Variants in FBN2 observed in about 807,000 individuals in gnomAD.
FBN2 encodes the protein fibrillin-2.
A neutral mutation model predicts 355.6 loss-of-function variants in FBN2; 105 were observed. The observed-to-expected ratio is 0.30, with a 90% CI of 0.25 to 0.35. The LOEUF (loss-of-function observed/expected upper bound fraction) is 0.35. FBN2 is among the 10% of genes least tolerant of loss of function. The pLI, the probability that FBN2 is intolerant of heterozygous loss-of-function variation, is 1.00. For synonymous variants in FBN2, 1,350 were observed against 1,301.2 expected (o/e 1.04, Z -0.81); for missense variants, 3,280 against 3,758.7 (o/e 0.87, Z 3.33).
At chr5:128,520,819 CT>C (rs1223007726) in intron 4 of FBN2, among the ~76,000 whole-genome samples, 2 of 152,258 alleles carry the variant, frequency 1.3e-5, no homozygotes, top group East Asian at 3.9e-4. Context: ...GAACCATACC[CT>C]TCTGCTTCTT....
At chr5:128,389,694 C>T (rs1354424833) in intron 11 of FBN2, among the ~76,000 whole-genome samples, 1 of 152,194 alleles carries the variant, frequency 6.6e-6, no homozygotes, top group Non-Finnish European at 1.5e-5. Context: ...TCTCCCATGT[C>T]TCAAATGTCC....
At chr5:128,333,664 G>A (rs977474434) in intron 31 of FBN2, among the ~76,000 whole-genome samples, 12 of 151,588 alleles carry the variant, frequency 7.9e-5, no homozygotes, top group African/African-American at 2.4e-4. Context: ...AGATGCTTTC[G>A]CCAGTGTGTG....
At chr5:128,445,474 C>T (rs1049965781) in intron 7 of FBN2, among the ~76,000 whole-genome samples, 6 of 152,118 alleles carry the variant, frequency 3.9e-5, no homozygotes, top group Non-Finnish European at 8.8e-5. Context: ...TGCTGTTTAT[C>T]TTCTATAATT....
intron 16 of FBN2, among the ~76,000 whole-genome samples, chr5:128,367,250 G>A (rs917328398): frequency 3.3e-5 from 5 of 152,038 alleles, no homozygotes; most frequent in African/African-American, 7.2e-5. Context: ...CTCCATCAGC[G>A]GTATAAGACA....
At position 128,378,909 on chromosome 5, in the gene FBN2, A is replaced by C. The variant is rs749198936; in HGVS notation, c.1604-19T>G. The C allele has an allele frequency of 6.2e-7, 1 of 1,612,616 alleles. No homozygotes were observed. The highest frequency in any genetic ancestry group is 1.1e-5 in the South Asian group (1 of 91,064). ...TCAACATCTGTGAGCAGCAAAAGAA[A>C]CCATTATAGACTTCACTCCATTTGT... is the stretch of plus-strand genomic sequence containing the variant. On this transcript the variant is annotated intron_variant, in intron 11 of 64. Transcript: ENST00000262464.
chr5:128,293,479 G>A (rs960648309), intron 48 of FBN2, among the ~76,000 whole-genome samples: 10 of 151,696 alleles, frequency 6.6e-5, no homozygotes, highest in African/African-American at 2.2e-4. Flanking sequence ...GTGACAGAGC[G>A]AGACTCCGTC....
chr5:128,512,611 C>T lies in FBN2; in HGVS notation c.628+6662G>A, dbSNP rs73334144. Reference sequence around the variant, plus strand: ...CAGTTAACTCTGTGCTAGACACAGGCCACGGCACTTCATTTCTTGTTTAAA... The same window carrying T: ...CAGTTAACTCTGTGCTAGACACAGGTCACGGCACTTCATTTCTTGTTTAAA... On this transcript the variant is annotated intron_variant, in intron 5 of 64. Coordinates refer to ENST00000262464, the MANE Select transcript of FBN2 (RefSeq NM_001999.4). Among the ~76,000 whole-genome samples, 4 of 151,552 alleles carry T rather than the reference C, an allele frequency of 2.6e-5. No homozygotes were observed. In the South Asian group the frequency reaches 8.3e-4, roughly 32 times the overall value.
At position 128,289,776 on chromosome 5, in the gene FBN2, A is replaced by G. The variant is rs1357226954; in HGVS notation, c.6511+106T>C. The G allele has an allele frequency of 8.5e-6, 6 of 702,964 alleles. 1 individual carries two copies. In the East Asian group the frequency reaches 1.1e-4, roughly 13 times the overall value. 43.5% of individuals were successfully genotyped at this position (702,964 alleles called of 1,614,324 possible). A position where few individuals can be genotyped will look rare whatever the true frequency, so the allele number is the denominator to read the frequency against. On this transcript the variant is annotated intron_variant, in intron 51 of 64. Transcript: ENST00000262464. The stretch of plus-strand genomic sequence containing the variant: ...GGGTTATATACATCCATTAAATACA[A>G]TATACTATATGTTACATAGTAAAGT...
At position 128,530,660 on chromosome 5, in the gene FBN2, C is replaced by G; in HGVS notation, c.371G>C (p.Cys124Ser). ...ICRNSCGDGF[C>S]SRPNMCTCSS... ...ACAAGTACACATGTTAGGACGGGAACAAAATCCATCTCCACAACTATTTCT... is the reference window on the plus strand; with the variant it reads ...ACAAGTACACATGTTAGGACGGGAAGAAAATCCATCTCCACAACTATTTCT... Residue 124 changes from cysteine (C) to serine (S), a missense_variant, in exon 3 of 65, where the codon TGT (cysteine) becomes TCT (serine). By Grantham distance (112) the Cys-to-Ser change is moderately radical. This residue lies in a region of FBN2 where 130 missense variants were observed against 189.9 expected (regional missense o/e 0.68). Coordinates refer to ENST00000262464, the MANE Select transcript of FBN2 (RefSeq NM_001999.4). 6.2e-7 allele frequency: 1 copy of G among 1,612,798 alleles called. No individual in the cohort carries two copies. The highest frequency in any genetic ancestry group is 8.5e-7 in the Non-Finnish European group (1 of 1,178,924).
chr5:128,517,824 A>G (rs1271711634), intron 5 of FBN2, among the ~76,000 whole-genome samples: 1 of 152,158 alleles, frequency 6.6e-6, no homozygotes, highest in African/African-American at 2.4e-5. Context: ...CATTGACATA[A>G]TTTCATATAT....
At chr5:128,342,916 C>T (rs954113804) in intron 25 of FBN2, among the ~76,000 whole-genome samples, 8 of 151,780 alleles carry the variant, frequency 5.3e-5, no homozygotes, top group East Asian at 1.9e-4. Context: ...TTAGTAGAGA[C>T]GGGGTTTCTC....
chr5:128,526,875 T>C (rs918286623), intron 4 of FBN2, among the ~76,000 whole-genome samples: 6 of 152,114 alleles, frequency 3.9e-5, no homozygotes, highest in African/African-American at 1.4e-4. Context: ...GTGGCTAAAA[T>C]GGTAAATTTT....
rs569504423 is a variant in FBN2 at position 128,337,953 on chromosome 5, C to T, written c.3598+44G>A. The T allele has an allele frequency of 3.6e-5, 58 of 1,609,530 alleles. No individual in the cohort carries two copies. In the South Asian group the frequency reaches 6.1e-4, roughly 17 times the overall value. On this transcript the variant is annotated intron_variant, in intron 27 of 64. Transcript: ENST00000262464. Reference sequence around the variant, plus strand: ...TGTCAGAACTGATCCCTGGTCTTTACCAGTTGTGCTGGGCAGGTTTATGTG... The same window carrying T: ...TGTCAGAACTGATCCCTGGTCTTTATCAGTTGTGCTGGGCAGGTTTATGTG...
intron 55 of FBN2, among the ~76,000 whole-genome samples, chr5:128,284,668 G>C (rs953776339): frequency 6.6e-6 from 1 of 152,094 alleles, no homozygotes; most frequent in African/African-American, 2.4e-5. Context: ...CACTACACTC[G>C]GGCTTTCAGG....
At chr5:128,366,241 G>C in intron 17 of FBN2, 136 bp downstream of exon 17, 1 of 475,450 alleles carries the variant, frequency 2.1e-6, no homozygotes, top group Non-Finnish European at 3.8e-6. Flanking sequence ...TATAACCACT[G>C]CTCTAGGAGA....
At chr5:128,529,429 G>T (rs1355981064) in intron 3 of FBN2, among the ~76,000 whole-genome samples, 1 of 152,152 alleles carries the variant, frequency 6.6e-6, no homozygotes, top group African/African-American at 2.4e-5. Context: ...GATTAATAGT[G>T]CCAAAAGCTT....
intron 7 of FBN2, among the ~76,000 whole-genome samples, chr5:128,437,837 G>A (rs1253362407): frequency 2.0e-5 from 3 of 151,956 alleles, no homozygotes; most frequent in Non-Finnish European, 2.9e-5. Flanking sequence ...CAGACAGACA[G>A]AAAGACAGGA....
intron 11 of FBN2, among the ~76,000 whole-genome samples, chr5:128,388,033 G>T (rs1752412959): frequency 6.6e-6 from 1 of 152,146 alleles, no homozygotes; most frequent in Admixed American, 6.6e-5. Flanking sequence ...CTCCAGTGTT[G>T]GGTGCATGTA....
chr5:128,322,354 T>C (rs957007194), intron 34 of FBN2, among the ~76,000 whole-genome samples: 14 of 152,356 alleles, frequency 9.2e-5, no homozygotes, highest in Admixed American at 5.9e-4. Flanking sequence ...CATGAAGTCT[T>C]TGCCCATGCC....
Sources: allele counts gnomAD v4.1 joint callset (sites outside exome capture counted in the v4.1 genomes callset), GRCh38; gene constraint gnomAD v4.1.1; regional missense constraint gnomAD v4.1.1; transcripts MANE v1.5; gene names NCBI Gene and HGNC (gene_info 2026-07-23, HGNC 2026-07-21).